JAM3: variants seen among roughly 807,000 people sequenced by gnomAD.
The protein encoded by JAM3 is junctional adhesion molecule 3.
In JAM3, 31 loss-of-function variants were observed where a neutral mutation model predicts 39.4. The ratio of observed to expected loss-of-function variants is 0.79; its 90% confidence interval spans 0.59 to 1.06. The LOEUF (loss-of-function observed/expected upper bound fraction) is 1.06. Among genes scored for constraint, JAM3 ranks in the 50% least tolerant of loss-of-function variants. JAM3 has a pLI of 0.00. For missense variants in JAM3, 455 were observed against 391.4 expected (o/e 1.16, Z -1.37); for synonymous variants, 182 against 148.7 (o/e 1.22, Z -1.63).
Position 134,149,386 on chromosome 11 carries a change from A to G in JAM3, c.*205A>G, listed in dbSNP as rs1943148415. 1.5e-6 allele frequency: 1 copy of G among 647,172 alleles called. No homozygotes were observed. Among genetic ancestry groups the G allele is most frequent in the Non-Finnish European group, 2.7e-6 (1 of 365,548 alleles). 40.1% of individuals were successfully genotyped at this position (647,172 alleles called of 1,614,324 possible). A position where few individuals can be genotyped will look rare whatever the true frequency, so the allele number is the denominator to read the frequency against. On this transcript the variant is annotated 3_prime_UTR_variant, in exon 9 of 9. Transcript: ENST00000299106. ...AATTTTCCTCAAGATGGACCCGGTAAATATAACCACAAGGAAGCGAAACTG... is the reference window on the plus strand; with the variant it reads ...AATTTTCCTCAAGATGGACCCGGTAGATATAACCACAAGGAAGCGAAACTG...
chr11:134,149,036 T>C, intron 8 of JAM3, 110 bp from the exon 9 acceptor site: 1 of 1,363,054 alleles, frequency 7.3e-7, no homozygotes, highest in Admixed American at 1.7e-5. Context: ...GATGGTACTT[T>C]TTAAGAATGA....
At chr11:134,097,604 G>A (rs1395375839) in intron 1 of JAM3, among the ~76,000 whole-genome samples, 1 of 152,008 alleles carries the variant, frequency 6.6e-6, no homozygotes, top group Non-Finnish European at 1.5e-5. Context: ...TTCTACTAAT[G>A]GAGAAGGGAG....
chr11:134,125,035 C>T (rs1163779863), intron 1 of JAM3, among the ~76,000 whole-genome samples: 4 of 152,210 alleles, frequency 2.6e-5, no homozygotes, highest in Non-Finnish European at 4.4e-5. Context: ...GTGGCGGCGG[C>T]GCGTCTCCAC....
At chr11:134,104,801 C>T (rs975921110) in intron 1 of JAM3, among the ~76,000 whole-genome samples, 1 of 152,088 alleles carries the variant, frequency 6.6e-6, no homozygotes, top group Non-Finnish European at 1.5e-5. Context: ...CAAGACTAAA[C>T]TAGGAAGAAG....
chr11:134,080,576 C>T (rs576890223), intron 1 of JAM3, among the ~76,000 whole-genome samples: 75 of 152,280 alleles, frequency 4.9e-4, no homozygotes, highest in African/African-American at 1.6e-3. Flanking sequence ...CTTCTCTTGT[C>T]TGTCGCCATA....
intron 1 of JAM3, among the ~76,000 whole-genome samples, chr11:134,073,602 G>A (rs939684128): frequency 5.9e-5 from 9 of 152,134 alleles, no homozygotes; most frequent in Admixed American, 3.3e-4. Context: ...TATCTATGAC[G>A]TGTCAGGCAC....
At chr11:134,125,849 A>T (rs889902859) in intron 1 of JAM3, among the ~76,000 whole-genome samples, 2 of 152,198 alleles carry the variant, frequency 1.3e-5, no homozygotes, top group Non-Finnish European at 2.9e-5. Flanking sequence ...ATTAGACATC[A>T]GTCCTACAAG....
intron 3 of JAM3, among the ~76,000 whole-genome samples, chr11:134,141,513 C>A (rs920424506): frequency 6.6e-6 from 1 of 151,854 alleles, no homozygotes; most frequent in Admixed American, 6.6e-5. Flanking sequence ...GAATGCCAGG[C>A]GAGCATGGGC....
intron 1 of JAM3, among the ~76,000 whole-genome samples, chr11:134,121,851 A>C (rs908268153): frequency 2.8e-4 from 42 of 150,972 alleles, no homozygotes; most frequent in Middle Eastern, 3.4e-3. Context: ...ACACACACAC[A>C]CCCTCCTCCC....
intron 1 of JAM3, among the ~76,000 whole-genome samples, chr11:134,121,461 T>A (rs1015424502): frequency 2.0e-5 from 3 of 151,470 alleles, no homozygotes; most frequent in African/African-American, 7.3e-5. Context: ...ATCATTCCCA[T>A]CTGCCAGCTC....
At chr11:134,113,863 T>C (rs1284374363) in intron 1 of JAM3, among the ~76,000 whole-genome samples, 2 of 152,224 alleles carry the variant, frequency 1.3e-5, no homozygotes, top group African/African-American at 4.8e-5. Flanking sequence ...TGTTGTTTCC[T>C]GACTTTTTAA....
intron 1 of JAM3, among the ~76,000 whole-genome samples, chr11:134,107,813 A>G (rs1216232624): frequency 6.6e-6 from 1 of 152,132 alleles, no homozygotes; most frequent in Non-Finnish European, 1.5e-5. Flanking sequence ...CAGTGAGCTA[A>G]TATTACGCCA....
chr11:134,074,202 T>C (rs989938427), intron 1 of JAM3, among the ~76,000 whole-genome samples: 2 of 152,352 alleles, frequency 1.3e-5, no homozygotes, highest in East Asian at 1.9e-4. Flanking sequence ...AGGGGCTGTT[T>C]ATGAGTGGAA....
At chr11:134,072,490 A>G (rs2120558237) in intron 1 of JAM3, among the ~76,000 whole-genome samples, 1 of 152,218 alleles carries the variant, frequency 6.6e-6, no homozygotes, top group Admixed American at 6.5e-5. Context: ...TATTGTTTTT[A>G]GTAGACATGG....
intron 1 of JAM3, among the ~76,000 whole-genome samples, chr11:134,099,236 A>C (rs1049926793): frequency 6.6e-6 from 1 of 152,122 alleles, no homozygotes; most frequent in South Asian, 2.1e-4. Context: ...ACCAGGTTGC[A>C]TGGGGGAGGA....
chr11:134,076,129 C>T (rs1156881083), intron 1 of JAM3, among the ~76,000 whole-genome samples: 8 of 147,250 alleles, frequency 5.4e-5, no homozygotes, highest in Non-Finnish European at 1.2e-4. Flanking sequence ...AATTTTTTTA[C>T]TCCTTTTCTT....
intron 1 of JAM3, among the ~76,000 whole-genome samples, chr11:134,094,181 C>G (rs1941931327): frequency 7.2e-6 from 1 of 138,448 alleles, no homozygotes; most frequent in Admixed American, 7.2e-5. Context: ...CTCCTGAACC[C>G]TCCTTATTCA....
chr11:134,088,102 A>G (rs1437257452), intron 1 of JAM3, among the ~76,000 whole-genome samples: 1 of 152,226 alleles, frequency 6.6e-6, no homozygotes, highest in Non-Finnish European at 1.5e-5. Context: ...TGCCTGCTTT[A>G]GAATACATCA....
chr11:134,074,423 G>A (rs891229294), intron 1 of JAM3, among the ~76,000 whole-genome samples: 1 of 152,186 alleles, frequency 6.6e-6, no homozygotes, highest in Non-Finnish European at 1.5e-5. Context: ...TGTTTAATGT[G>A]ATAGCATGTG....
Sources: allele counts gnomAD v4.1 joint callset (sites outside exome capture counted in the v4.1 genomes callset), GRCh38; gene constraint gnomAD v4.1.1; transcripts MANE v1.5; gene names NCBI Gene and HGNC (gene_info 2026-07-23, HGNC 2026-07-21).